Variants in CDCA5 observed in about 807,000 individuals in gnomAD.
CDCA5 encodes cell division cycle associated 5.
A neutral mutation model predicts 25.7 loss-of-function variants in CDCA5; 14 were observed. The observed-to-expected ratio is 0.54, with a 90% confidence interval of 0.36 to 0.85. CDCA5 has a LOEUF of 0.85. CDCA5 is among the 40% of genes least tolerant of loss of function. CDCA5 has a pLI of 0.01. For missense variants in CDCA5, 307 were observed against 324.5 expected (o/e 0.95, Z 0.41); for synonymous variants, 127 against 128.7 (o/e 0.99, Z 0.09).
At chr11:65,061,889 G>C (rs1040083004), downstream of CDCA5, among the ~76,000 whole-genome samples, 6 of 146,876 alleles carry the variant, frequency 4.1e-5, no homozygotes, top group African/African-American at 1.5e-4. Context: ...ACCCATCCCC[G>C]AACTCTTGTA....
At chr11:65,068,305 C>T (rs868666538) in intron 2 of CDCA5, among the ~76,000 whole-genome samples, 3 of 152,102 alleles carry the variant, frequency 2.0e-5, no homozygotes, top group Non-Finnish European at 2.9e-5. Flanking sequence ...GGCCCTCCAG[C>T]GCTGAACTCC....
chr11:65,078,901 G>C lies in CDCA5; in HGVS notation c.*206C>G. The C allele has an allele frequency of 8.0e-7, 1 of 1,254,474 alleles. No homozygotes were observed. The allele number at this position is 1,254,474 out of a possible 1,614,324, so 77.7% of individuals were successfully genotyped here. A position where few individuals can be genotyped will look rare whatever the true frequency, so the allele number is the denominator to read the frequency against. On this transcript the variant is annotated 3_prime_UTR_variant, in exon 6 of 6. Transcript: ENST00000275517. The stretch of plus-strand genomic sequence containing the variant: ...ACAAGAGACAGGACACCAGTGAGTG[G>C]CTGGGCCAGGCGGCCCCATTTCCTA...
chr11:65,077,515 T>C lies in CDCA5; in HGVS notation c.*1592A>G. 2 of 985,448 alleles carry C rather than the reference T, an allele frequency of 2.0e-6. No individual in the cohort carries two copies. The highest frequency in any genetic ancestry group is 2.4e-6 in the Non-Finnish European group (2 of 829,928). 61.0% of individuals were successfully genotyped at this position (985,448 alleles called of 1,614,324 possible). On this transcript the variant is annotated 3_prime_UTR_variant, in exon 6 of 6. Transcript: ENST00000275517. ...AACTCTAAAACAAAATCCCATTTTT[T>C]CCTTAAATTTAGTTCCTCAGGAACA...
exon 2 of CDCA5, chr11:65,068,515 A>C: frequency 2.3e-6 from 3 of 1,289,300 alleles, no homozygotes; most frequent in Non-Finnish European, 3.0e-6. Flanking sequence ...CGGAAGCCTG[A>C]GGGCCCTTGG....
At chr11:65,072,467 G>T (rs924589083), downstream of CDCA5, among the ~76,000 whole-genome samples, 7 of 152,366 alleles carry the variant, frequency 4.6e-5, no homozygotes, top group South Asian at 1.4e-3. Context: ...ATGGGGACAG[G>T]TGTGAGCCAT....
At chr11:65,066,702 C>G (rs1216552724) in intron 5 of CDCA5, 20 of 1,287,538 alleles carry the variant, frequency 1.6e-5, no homozygotes, top group Non-Finnish European at 1.9e-5. Flanking sequence ...TTGCAGGGCT[C>G]GAGGTGGGTA....
chr11:65,064,140 C>T (rs140202233), downstream of CDCA5, among the ~76,000 whole-genome samples: 3 of 152,248 alleles, frequency 2.0e-5, no homozygotes, highest in Non-Finnish European at 4.4e-5. Flanking sequence ...CATAATTAGC[C>T]GGGTGCAGTG....
chr11:65,083,202 A>G (rs1004043791), intron 4 of CDCA5, 162 bp downstream of exon 4: 17 of 735,690 alleles, frequency 2.3e-5, no homozygotes, highest in Middle Eastern at 3.9e-4. Context: ...TTAAGTCTTC[A>G]GGGAGTAATC....
At chr11:65,074,003 G>A (rs1947390753), downstream of CDCA5, among the ~76,000 whole-genome samples, 1 of 152,184 alleles carries the variant, frequency 6.6e-6, no homozygotes, top group African/African-American at 2.4e-5. Flanking sequence ...AGTGGCTGGG[G>A]TCCTGCAGAC....
intron 2 of CDCA5, chr11:65,068,244 C>A: frequency 3.6e-6 from 2 of 561,236 alleles, no homozygotes; most frequent in Admixed American, 5.4e-5. Context: ...TCTGTATCCC[C>A]CACCCTGTAG....
chr11:65,076,906 G>A (rs768350928), downstream of CDCA5, among the ~76,000 whole-genome samples: 19 of 152,186 alleles, frequency 1.2e-4, no homozygotes, highest in Non-Finnish European at 2.5e-4. Context: ...TGGGCACTGG[G>A]GGAGCTCTTA....
At chr11:65,083,158 G>A (rs954270948) in intron 4 of CDCA5, 21 of 597,412 alleles carry the variant, frequency 3.5e-5, no homozygotes, top group African/African-American at 3.3e-4. Context: ...CAGGAAAATG[G>A]TAGAAATACA....
At chr11:65,062,069 C>T (rs1028031733), downstream of CDCA5, among the ~76,000 whole-genome samples, 1 of 151,820 alleles carries the variant, frequency 6.6e-6, no homozygotes, top group East Asian at 2.0e-4. Flanking sequence ...CACAGGCATG[C>T]GCCACCATGC....
chr11:65,072,485 G>A (rs543849234), downstream of CDCA5, among the ~76,000 whole-genome samples: 5 of 152,358 alleles, frequency 3.3e-5, no homozygotes, highest in East Asian at 1.9e-4. Flanking sequence ...CATGGGGCTG[G>A]CTTCAGACCT....
rs1393355505 is a variant in CDCA5, at chr11:65,079,028, C to CT, written c.*78dup. Reference sequence around the variant, plus strand: ...GGTAACAAGACCAGGGGAGGGGACCCTAAGTGTCCTCTCCACAGGGAGGTG... The same window carrying CT: ...GGTAACAAGACCAGGGGAGGGGACCCTTAAGTGTCCTCTCCACAGGGAGGTG... On this transcript the variant is annotated 3_prime_UTR_variant, in exon 6 of 6. Coordinates refer to ENST00000275517, the MANE Select transcript of CDCA5 (RefSeq NM_080668.4). 13 of 1,406,060 alleles carry CT rather than the reference C, an allele frequency of 9.2e-6. No individual in the cohort carries two copies. The highest frequency in any genetic ancestry group is 1.2e-5 in the Non-Finnish European group (13 of 1,079,274). 87.1% of individuals were successfully genotyped at this position (1,406,060 alleles called of 1,614,324 possible). A position where few individuals can be genotyped will look rare whatever the true frequency, so the allele number is the denominator to read the frequency against.
chr11:65,081,409 C>T (rs938404606), intron 4 of CDCA5, among the ~76,000 whole-genome samples: 4 of 151,176 alleles, frequency 2.6e-5, no homozygotes, highest in African/African-American at 9.7e-5. Context: ...GCCTGGGTGA[C>T]AGTGCGAGAC....
rs1019005087 is a variant in CDCA5 at position 65,079,560 on chromosome 11, G to C, written c.471C>G (p.Thr157=). Residue 157 remains threonine, a synonymous_variant, in exon 5 of 6, where the codon ACC becomes ACG. Coordinates refer to ENST00000275517, the MANE Select transcript of CDCA5 (RefSeq NM_080668.4). ...AGCAGGACCGGCGGCCTGGGGTGGA[G>C]GTAGAGGCAGAGCCCAGGGTCTCCA... The part of the protein sequence containing the change: ...SRLETLGSAS[T]STPGRRSCFG... 3.1e-6 allele frequency: 5 copies of C among 1,614,134 alleles called. No individual in the cohort carries two copies. The highest frequency in any genetic ancestry group is 4.5e-5 in the East Asian group (2 of 44,886).
At chr11:65,066,614 G>T in exon 6 of CDCA5, 1 of 1,288,772 alleles carries the variant, frequency 7.8e-7, no homozygotes, top group Non-Finnish European at 1.0e-6. Flanking sequence ...CTTCATCCTG[G>T]ATGGCCTGGG....
At chr11:65,069,148 G>C (rs1342963675) in intron 1 of CDCA5, among the ~76,000 whole-genome samples, 1 of 144,754 alleles carries the variant, frequency 6.9e-6, no homozygotes, top group African/African-American at 2.6e-5. Context: ...GCCGAGGTGG[G>C]AGAATCACTT....
Sources: allele counts gnomAD v4.1 joint callset (sites outside exome capture counted in the v4.1 genomes callset), GRCh38; gene constraint gnomAD v4.1.1; transcripts MANE v1.5; gene names NCBI Gene and HGNC (gene_info 2026-07-23, HGNC 2026-07-21).